Variants in PDCD6 observed in about 807,000 individuals in gnomAD.
PDCD6 encodes the protein programmed cell death protein 6.
PDCD6 carries 12 observed loss-of-function variants against 28.3 expected under a neutral mutation model. The observed-to-expected ratio is 0.42, with a 90% CI of 0.27 to 0.69. The LOEUF is 0.69. Ranked by LOEUF, PDCD6 falls within the 30% of genes least tolerant of loss-of-function variation. PDCD6 has a pLI of 0.22. For missense variants in PDCD6, 226 were observed against 269.9 expected (o/e 0.84, Z 1.14); for synonymous variants, 92 against 108.0 (o/e 0.85, Z 0.92).
intron 2 of PDCD6, among the ~76,000 whole-genome samples, chr5:296,967 C>T (rs911402315): frequency 6.6e-6 from 1 of 152,158 alleles, no homozygotes; most frequent in South Asian, 2.1e-4. Flanking sequence ...CTCTGGTGCC[C>T]GACCCCCCAC....
chr5:288,291 A>T (rs1316873130), intron 2 of PDCD6, among the ~76,000 whole-genome samples: 4 of 83,556 alleles, frequency 4.8e-5, no homozygotes, highest in Admixed American at 2.4e-4. Flanking sequence ...TAATATATAT[A>T]TTATATATAT....
intron 2 of PDCD6, among the ~76,000 whole-genome samples, chr5:285,234 C>T (rs926256325): frequency 3.3e-5 from 5 of 149,532 alleles, no homozygotes; most frequent in African/African-American, 1.2e-4. Flanking sequence ...GCTGTAGACT[C>T]AGGAGGAAGC....
At chr5:298,129 T>C (rs1483097869) in intron 2 of PDCD6, among the ~76,000 whole-genome samples, 2 of 152,176 alleles carry the variant, frequency 1.3e-5, no homozygotes, top group African/African-American at 4.8e-5. Context: ...AGCATCCAGC[T>C]CTGCTCATGA....
At chr5:278,481 G>T (rs1328215441) in intron 2 of PDCD6, among the ~76,000 whole-genome samples, 1 of 151,468 alleles carries the variant, frequency 6.6e-6, no homozygotes, top group African/African-American at 2.4e-5. Context: ...AGGCTGAGGT[G>T]GGAGGATTAC....
chr5:289,921 A>T, intron 2 of PDCD6: 1 of 1,499,040 alleles, frequency 6.7e-7, no homozygotes, highest in Non-Finnish European at 9.3e-7. Flanking sequence ...AGAAGGATAA[A>T]CACAGCTAAC....
At chr5:297,761 C>T (rs1202691608) in intron 2 of PDCD6, among the ~76,000 whole-genome samples, 2 of 152,218 alleles carry the variant, frequency 1.3e-5, no homozygotes. Flanking sequence ...TCTTTTTAAC[C>T]TGGGGCTCAC....
intron 3 of PDCD6, chr5:304,651 A>G (rs570624920): frequency 2.1e-4 from 34 of 164,134 alleles, no homozygotes; most frequent in South Asian, 8.2e-4. Context: ...TATTTGTGAC[A>G]TGGAGCTCCT....
At chr5:298,808 CCT>C (rs1385815782) in intron 2 of PDCD6, among the ~76,000 whole-genome samples, 1 of 31,908 alleles carries the variant, frequency 3.1e-5, no homozygotes, top group South Asian at 1.4e-3. Context: ...GCTGCTCCCC[CCT>C]AGCTGCTCCC....
chr5:300,343 T>C (rs1449671051), intron 2 of PDCD6, among the ~76,000 whole-genome samples: 1 of 152,258 alleles, frequency 6.6e-6, no homozygotes, highest in Non-Finnish European at 1.5e-5. Flanking sequence ...AGCTTCTTGC[T>C]GGAGGAATCC....
intron 2 of PDCD6, among the ~76,000 whole-genome samples, chr5:282,965 C>T (rs1405638193): frequency 6.6e-6 from 1 of 151,870 alleles, no homozygotes; most frequent in Non-Finnish European, 1.5e-5. Context: ...GTTTGAGGGT[C>T]GTGCACCTGG....
chr5:272,386 A>C (rs1394652119), intron 1 of PDCD6, among the ~76,000 whole-genome samples: 6 of 149,400 alleles, frequency 4.0e-5, no homozygotes, highest in Non-Finnish European at 1.5e-5. Context: ...GTAGTGACTG[A>C]TGGCCAGGGA....
intron 2 of PDCD6, among the ~76,000 whole-genome samples, chr5:281,955 G>C (rs1738597237): frequency 6.6e-6 from 1 of 151,196 alleles, no homozygotes; most frequent in African/African-American, 2.4e-5. Flanking sequence ...GGGAGGAGCT[G>C]ATCTTCTAGT....
At chr5:302,462 G>T (rs1740150943) in intron 2 of PDCD6, among the ~76,000 whole-genome samples, 1 of 109,680 alleles carries the variant, frequency 9.1e-6, no homozygotes, top group African/African-American at 5.1e-5. Context: ...CTGCATAACT[G>T]CTGGAGGGCG....
intron 2 of PDCD6, among the ~76,000 whole-genome samples, chr5:275,253 G>C (rs572480957): frequency 1.8e-4 from 28 of 152,312 alleles, no homozygotes; most frequent in East Asian, 3.9e-4. Flanking sequence ...AGACCCTGTT[G>C]CCTGAATTGC....
chr5:281,865 G>A (rs796815256), intron 2 of PDCD6, among the ~76,000 whole-genome samples: 2 of 130,140 alleles, frequency 1.5e-5, no homozygotes, highest in Non-Finnish European at 3.1e-5. Context: ...AGCTGATGTT[G>A]TTCGCTTTGA....
chr5:306,814 CGTTGAA>C, intron 4 of PDCD6, 54 bp downstream of exon 4: 1 of 1,556,448 alleles, frequency 6.4e-7, no homozygotes, highest in Non-Finnish European at 8.9e-7. Flanking sequence ...ACCTTGGAGC[CGTTGAA>C]GTTCTTTAAA....
intron 2 of PDCD6, among the ~76,000 whole-genome samples, chr5:277,735 G>C (rs1220225932): frequency 6.6e-6 from 1 of 152,022 alleles, no homozygotes; most frequent in African/African-American, 2.4e-5. Context: ...GGCCAACATG[G>C]TGAAACCCTA....
intron 2 of PDCD6, chr5:290,109 G>A: frequency 6.4e-6 from 10 of 1,573,442 alleles, no homozygotes; most frequent in Non-Finnish European, 8.7e-6. Context: ...CGACATTAGG[G>A]TTGGGAGGAC....
chr5:274,988 C>G lies in PDCD6; in HGVS notation c.163+2216C>G, dbSNP rs961452390. ...CAGTGGCTTAACCCAAGCTGTGTAT[C>G]GGGACCCTCTCACCGTGGTCCCAAT... On this transcript the variant is annotated intron_variant, in intron 2 of 5. Coordinates refer to ENST00000264933, the MANE Select transcript of PDCD6 (RefSeq NM_013232.4). Among the ~76,000 whole-genome samples the G allele has an allele frequency of 6.6e-5, 10 of 152,268 alleles. 1 individual carries two copies. The highest frequency in any genetic ancestry group is 3.3e-4 in the Admixed American group (5 of 15,298).
Sources: gnomAD v4.1 joint callset for allele counts (sites outside exome capture counted in the v4.1 genomes callset) on GRCh38, gnomAD v4.1.1 for gene constraint, MANE v1.5 for transcripts, NCBI Gene and HGNC (gene_info 2026-07-23, HGNC 2026-07-21) for gene names.